C1D: variants seen among roughly 807,000 people sequenced by gnomAD.
C1D encodes C1D nuclear receptor corepressor.
In C1D, 10 loss-of-function variants were observed where a neutral mutation model predicts 17.5. That is an observed-to-expected ratio of 0.57 (90% CI 0.35 to 0.97). The LOEUF (loss-of-function observed/expected upper bound fraction) is 0.97, where lower values mean the gene tolerates loss of function less well. C1D is among the 50% of genes least tolerant of loss of function. The probability of loss-of-function intolerance (pLI) is 0.01; values close to 1 mark genes in which losing one functional copy is unlikely to be tolerated. For missense variants in C1D, 136 were observed against 160.1 expected (o/e 0.85, Z 0.81); for synonymous variants, 49 against 54.0 (o/e 0.91, Z 0.40).
At chr2:68,054,804 A>AG (rs1671391921) in intron 1 of C1D, among the ~76,000 whole-genome samples, 2 of 151,908 alleles carry the variant, frequency 1.3e-5, no homozygotes, top group African/African-American at 4.8e-5. Flanking sequence ...AAAAAAAAAA[A>AG]AAATATTTTT....
intron 1 of C1D, among the ~76,000 whole-genome samples, chr2:68,051,298 A>T (rs892293919): frequency 2.0e-5 from 3 of 152,106 alleles, no homozygotes; most frequent in Non-Finnish European, 4.4e-5. Flanking sequence ...GCAGGAGGAC[A>T]GCTTGAGCCC....
intron 3 of C1D, 135 bp downstream of exon 3, chr2:68,046,209 T>C (rs7565892): frequency 1.2e-6 from 1 of 819,132 alleles, no homozygotes; most frequent in Non-Finnish European, 2.0e-6. Context: ...CACTGGCATC[T>C]AGATTTAAAA....
At chr2:68,043,105 T>C (rs1381103518) in intron 4 of C1D, 52 bp from the exon 5 acceptor site, 3 of 1,341,630 alleles carry the variant, frequency 2.2e-6, no homozygotes, top group Non-Finnish European at 3.1e-6. Context: ...TCGCCACCAC[T>C]GAATTTTATT....
intron 4 of C1D, among the ~76,000 whole-genome samples, chr2:68,043,910 GC>G (rs1558579773): frequency 6.6e-6 from 1 of 152,210 alleles, no homozygotes. Context: ...AAAGCACAGT[GC>G]TTATGATGGT....
chr2:68,043,705 T>C (rs1424023823), intron 4 of C1D, among the ~76,000 whole-genome samples: 2 of 152,238 alleles, frequency 1.3e-5, no homozygotes, highest in African/African-American at 4.8e-5. Flanking sequence ...TAAATGGCTA[T>C]CTTACGCTTC....
intron 1 of C1D, among the ~76,000 whole-genome samples, chr2:68,058,075 T>C (rs1353898800): frequency 1.3e-5 from 2 of 152,264 alleles, no homozygotes; most frequent in Non-Finnish European, 2.9e-5. Flanking sequence ...ACAGGTCCTC[T>C]GTCAGTTGCC....
intron 1 of C1D, among the ~76,000 whole-genome samples, chr2:68,060,603 A>G (rs1671594553): frequency 6.7e-6 from 1 of 150,232 alleles, no homozygotes; most frequent in African/African-American, 2.4e-5. Context: ...AGATTGTGCC[A>G]CTGCACTCCA....
rs369657848 is a variant in C1D, at chr2:68,044,580, C to T, written c.261+1408G>A. Among the ~76,000 whole-genome samples, 470 of 152,160 alleles carry T rather than the reference C, an allele frequency of 3.1e-3. 5 individuals carry two copies. The highest frequency in any genetic ancestry group is 0.011 in the African/African-American group (449 of 41,510). ...AAAATTAGCTGGGCGTGGTGGCAGGCGCCTGTAATTCCAGCTACTCGAGAG... is the reference window on the plus strand; with the variant it reads ...AAAATTAGCTGGGCGTGGTGGCAGGTGCCTGTAATTCCAGCTACTCGAGAG... On this transcript the variant is annotated intron_variant, in intron 4 of 4. Coordinates refer to ENST00000410067, the MANE Select transcript of C1D (RefSeq NM_173177.3).
At chr2:68,057,307 C>A (rs1356785950) in intron 1 of C1D, among the ~76,000 whole-genome samples, 1 of 148,178 alleles carries the variant, frequency 6.7e-6, no homozygotes, top group African/African-American at 2.6e-5. Context: ...GTCCACCACA[C>A]CTTGCTATTT....
At chr2:68,043,178 C>T in intron 4 of C1D, 125 bp from the exon 5 acceptor site, 1 of 672,254 alleles carries the variant, frequency 1.5e-6, no homozygotes, top group Non-Finnish European at 2.4e-6. Context: ...GTGCATGGTG[C>T]TAGGAAATGC....
At chr2:68,047,100 T>C in intron 2 of C1D, 73 bp downstream of exon 2, 1 of 1,381,924 alleles carries the variant, frequency 7.2e-7, no homozygotes, top group Non-Finnish European at 9.9e-7. Context: ...ATCTGTTTCT[T>C]CTTCCACATG....
At chr2:68,062,207 A>G (rs373856149) in intron 1 of C1D, among the ~76,000 whole-genome samples, 1 of 152,216 alleles carries the variant, frequency 6.6e-6, no homozygotes, top group Non-Finnish European at 1.5e-5. Context: ...TTTAAATTTA[A>G]TTTTTTAAAA....
chr2:68,062,170 T>G (rs1011386199), intron 1 of C1D, among the ~76,000 whole-genome samples: 1 of 152,228 alleles, frequency 6.6e-6, no homozygotes, highest in Non-Finnish European at 1.5e-5. Context: ...ACCCCATAAA[T>G]ATATACACCT....
chr2:68,049,871 G>C (rs1254662444), intron 1 of C1D, among the ~76,000 whole-genome samples: 2 of 152,248 alleles, frequency 1.3e-5, no homozygotes, highest in African/African-American at 4.8e-5. Context: ...CATGGTAAAA[G>C]GATACCATAA....
rs1403774329 is a variant in C1D, at chr2:68,042,771, A to AAT, written c.*116_*117dup. ...TATTTAGCTTTACATATTTACTGTG[A>AAT]ATTTACATATTAATAAGAAACACAT... On this transcript the variant is annotated 3_prime_UTR_variant, in exon 5 of 5. Transcript: ENST00000410067. 17 of 558,200 alleles carry AAT rather than the reference A, an allele frequency of 3.0e-5. No individual in the cohort carries two copies. The highest frequency in any genetic ancestry group is 5.2e-5 in the Non-Finnish European group (16 of 308,278). 34.6% of individuals were successfully genotyped at this position (558,200 alleles called of 1,614,324 possible).
intron 1 of C1D, among the ~76,000 whole-genome samples, chr2:68,058,652 G>A (rs544804459): frequency 1.3e-5 from 2 of 152,302 alleles, no homozygotes; most frequent in East Asian, 3.9e-4. Context: ...ATTTGTGTGG[G>A]ATGCTCTCTG....
chr2:68,045,472 G>C (rs1035004036), intron 4 of C1D, among the ~76,000 whole-genome samples: 6 of 152,094 alleles, frequency 3.9e-5, no homozygotes, highest in Admixed American at 1.3e-4. Flanking sequence ...AAACCTAGAA[G>C]ATTTATTACA....
chr2:68,047,393 A>G (rs1671160564), intron 1 of C1D, 74 bp from the exon 2 acceptor site: 1 of 1,160,390 alleles, frequency 8.6e-7, no homozygotes, highest in South Asian at 1.7e-5. Flanking sequence ...AAAAAAATCA[A>G]TAGGTCATAT....
At chr2:68,046,311 G>T in intron 3 of C1D, 33 bp downstream of exon 3, 1 of 1,447,666 alleles carries the variant, frequency 6.9e-7, no homozygotes, top group Non-Finnish European at 9.7e-7. Context: ...TAAGTAATTT[G>T]CTTTCTAATT....
Sources: gnomAD v4.1 joint callset for allele counts (sites outside exome capture counted in the v4.1 genomes callset) on GRCh38, gnomAD v4.1.1 for gene constraint, MANE v1.5 for transcripts, NCBI Gene and HGNC (gene_info 2026-07-23, HGNC 2026-07-21) for gene names.